LRP1B: variants seen among roughly 807,000 people sequenced by gnomAD.
The protein encoded by LRP1B is LDL receptor related protein 1B.
In LRP1B, 217 loss-of-function variants were observed where a neutral mutation model predicts 556.6. That is an observed-to-expected ratio of 0.39 (90% CI 0.35 to 0.44). The LOEUF (loss-of-function observed/expected upper bound fraction) is 0.44, where lower values mean the gene tolerates loss of function less well. Ranked by LOEUF, LRP1B falls within the 20% of genes least tolerant of loss-of-function variation. The pLI is 1.00. For synonymous variants in LRP1B, 2,047 were observed against 1,865.8 expected (o/e 1.10, Z -2.50); for missense variants, 5,053 against 5,620.8 (o/e 0.90, Z 3.23).
chr2:141,528,477 A>G (rs1470743312), intron 2 of LRP1B, among the ~76,000 whole-genome samples: 1 of 152,164 alleles, frequency 6.6e-6, no homozygotes, highest in African/African-American at 2.4e-5. Context: ...AAGTTTGTCT[A>G]GATAGCTTCC....
chr2:140,562,809 T>C (rs1680980258), intron 43 of LRP1B, among the ~76,000 whole-genome samples: 2 of 151,946 alleles, frequency 1.3e-5, no homozygotes. Flanking sequence ...AGAGATAGGG[T>C]TTCACCATGT....
At chr2:140,389,744 T>TTTATATA (rs1456027240) in intron 66 of LRP1B, among the ~76,000 whole-genome samples, 2 of 146,514 alleles carry the variant, frequency 1.4e-5, no homozygotes, top group African/African-American at 2.5e-5. Flanking sequence ...TATATATAGT[T>TTTATATA]TTATATATAT....
At chr2:140,539,405 G>A (rs1429570031) in intron 45 of LRP1B, among the ~76,000 whole-genome samples, 1 of 152,124 alleles carries the variant, frequency 6.6e-6, no homozygotes, top group Non-Finnish European at 1.5e-5. Context: ...GACGTCGTCT[G>A]CCTCTACAAC....
At chr2:141,555,299 G>A (rs77368285) in intron 2 of LRP1B, among the ~76,000 whole-genome samples, 1,749 of 152,072 alleles carry the variant, frequency 0.012, 41 homozygotes, top group African/African-American at 0.04. Flanking sequence ...AAGGAGTGGT[G>A]ACATTGAAAC....
intron 66 of LRP1B, among the ~76,000 whole-genome samples, chr2:140,396,107 G>C (rs921016019): frequency 3.3e-5 from 5 of 152,224 alleles, no homozygotes; most frequent in African/African-American, 9.6e-5. Context: ...CAAGTACAGA[G>C]GCATAACAGA....
intron 20 of LRP1B, among the ~76,000 whole-genome samples, chr2:140,947,893 A>G (rs565319731): frequency 2.6e-5 from 4 of 152,294 alleles, no homozygotes; most frequent in East Asian, 3.9e-4. Flanking sequence ...CCATAATTAT[A>G]CAAGAGATAT....
At chr2:140,735,351 A>G (rs1167743082) in intron 35 of LRP1B, among the ~76,000 whole-genome samples, 1 of 152,202 alleles carries the variant, frequency 6.6e-6, no homozygotes, top group Non-Finnish European at 1.5e-5. Flanking sequence ...AGATAATTTA[A>G]AAACTGACAG....
At chr2:141,846,603 T>C (rs142823434) in intron 1 of LRP1B, among the ~76,000 whole-genome samples, 103 of 151,664 alleles carry the variant, frequency 6.8e-4, no homozygotes, top group African/African-American at 2.3e-3. Context: ...TTTATACAAA[T>C]CCTTAGCATA....
intron 77 of LRP1B, among the ~76,000 whole-genome samples, chr2:140,346,041 G>T (rs1681665468): frequency 6.6e-6 from 1 of 150,524 alleles, no homozygotes; most frequent in Non-Finnish European, 1.5e-5. Flanking sequence ...TTTCTGTATT[G>T]ATTTCTTTAT....
chr2:141,639,386 A>C (rs1188500344), intron 2 of LRP1B, among the ~76,000 whole-genome samples: 1 of 88,360 alleles, frequency 1.1e-5, no homozygotes, highest in Non-Finnish European at 2.6e-5. Flanking sequence ...ACACATATAT[A>C]TATACACATA....
intron 2 of LRP1B, among the ~76,000 whole-genome samples, chr2:141,642,714 G>A (rs1248873107): frequency 1.4e-5 from 2 of 147,284 alleles, no homozygotes; most frequent in African/African-American, 2.6e-5. Context: ...GAGCACCATC[G>A]TTCATGCCTC....
intron 7 of LRP1B, among the ~76,000 whole-genome samples, chr2:141,107,472 C>A (rs557419394): frequency 6.6e-6 from 1 of 152,102 alleles, no homozygotes; most frequent in South Asian, 2.1e-4. Flanking sequence ...ATGGTGAAAC[C>A]CTTTTTCTAC....
intron 7 of LRP1B, among the ~76,000 whole-genome samples, chr2:141,150,075 C>A (rs1018323166): frequency 1.3e-5 from 2 of 152,068 alleles, no homozygotes; most frequent in Admixed American, 6.6e-5. Context: ...GAGGGAGGAG[C>A]AGTGGTGGTT....
At chr2:141,488,100 G>T (rs1229650643) in intron 2 of LRP1B, among the ~76,000 whole-genome samples, 1 of 152,032 alleles carries the variant, frequency 6.6e-6, no homozygotes, top group African/African-American at 2.4e-5. Context: ...TTTTGGTACA[G>T]GCCTCATTGT....
At chr2:141,071,840 C>G (rs938819003) in intron 7 of LRP1B, among the ~76,000 whole-genome samples, 1 of 151,948 alleles carries the variant, frequency 6.6e-6, no homozygotes, top group Non-Finnish European at 1.5e-5. Context: ...AACCACTGCT[C>G]GATGAAATAA....
intron 1 of LRP1B, among the ~76,000 whole-genome samples, chr2:142,033,605 GCAGCATAAAGCA>G (rs1703777025): frequency 6.6e-6 from 1 of 151,614 alleles, no homozygotes; most frequent in Admixed American, 6.6e-5. Flanking sequence ...CCTCACTGAT[GCAGCATAAAGCA>G]GACTGGTCAT....
At chr2:141,894,381 C>T (rs1574470868) in intron 1 of LRP1B, among the ~76,000 whole-genome samples, 1 of 152,002 alleles carries the variant, frequency 6.6e-6, no homozygotes, top group East Asian at 1.9e-4. Context: ...CCCCTCCCTC[C>T]TTCCATTCCT....
intron 2 of LRP1B, among the ~76,000 whole-genome samples, chr2:141,799,043 C>A (rs1206751551): frequency 1.3e-5 from 2 of 151,978 alleles, no homozygotes; most frequent in South Asian, 2.1e-4. Context: ...CCTACCGAGA[C>A]CTTGATTTCA....
intron 1 of LRP1B, among the ~76,000 whole-genome samples, chr2:142,019,290 G>A (rs1196185856): frequency 6.6e-6 from 1 of 152,146 alleles, no homozygotes; most frequent in Non-Finnish European, 1.5e-5. Context: ...GTGAGCCTAC[G>A]TTAGTTCAGT....
Sources: gnomAD v4.1 joint callset for allele counts (sites outside exome capture counted in the v4.1 genomes callset) on GRCh38, gnomAD v4.1.1 for gene constraint, MANE v1.5 for transcripts, NCBI Gene and HGNC (gene_info 2026-07-23, HGNC 2026-07-21) for gene names.